Variants in ALDH3A2 observed in about 807,000 individuals in gnomAD.
ALDH3A2 encodes the protein aldehyde dehydrogenase 3 family member A2.
In ALDH3A2, 36 loss-of-function variants were observed where a neutral mutation model predicts 51.3. The ratio of observed to expected loss-of-function variants is 0.70; its 90% CI spans 0.54 to 0.93. ALDH3A2 has a LOEUF of 0.93. Among genes scored for constraint, ALDH3A2 ranks in the 40% least tolerant of loss-of-function variants. ALDH3A2 has a pLI of 0.00. For synonymous variants in ALDH3A2, 199 were observed against 219.8 expected, an observed-to-expected ratio of 0.91 and a Z score of 0.84; for missense variants, 552 against 603.1, an observed-to-expected ratio of 0.92 and a Z score of 0.89.
chr17:19,658,860 C>T (rs1236293006), intron 5 of ALDH3A2, among the ~76,000 whole-genome samples: 1 of 152,020 alleles, frequency 6.6e-6, no homozygotes, highest in African/African-American at 2.4e-5. Context: ...GGAGCAGTCA[C>T]TGTTTACTCG....
Position 19,665,166 on chromosome 17 carries a change from G to C in ALDH3A2, c.1207+119G>C. 3.4e-6 allele frequency: 3 copies of C among 886,648 alleles called. No homozygotes were observed. The South Asian group carries it at 4.2e-5, about 12-fold the overall frequency. 54.9% of individuals were successfully genotyped at this position (886,648 alleles called of 1,614,324 possible). A position where few individuals can be genotyped will look rare whatever the true frequency, so the allele number is the denominator to read the frequency against. On this transcript the variant is annotated intron_variant, in intron 8 of 9. Transcript: ENST00000176643. ...GCGTACCCTGATTGTCCTCTCCTGAGGGAGACCTTTTCCTGGTCACCCAGT... is the reference window on the plus strand; with the variant it reads ...GCGTACCCTGATTGTCCTCTCCTGACGGAGACCTTTTCCTGGTCACCCAGT...
At chr17:19,670,475 G>T (rs2085097144) in intron 8 of ALDH3A2, among the ~76,000 whole-genome samples, 1 of 151,958 alleles carries the variant, frequency 6.6e-6, no homozygotes, top group Admixed American at 6.6e-5. Context: ...GAACTCCTGG[G>T]CTCAAGCAAT....
chr17:19,670,720 G>A (rs1165308173), intron 8 of ALDH3A2, among the ~76,000 whole-genome samples: 4 of 152,132 alleles, frequency 2.6e-5, no homozygotes, highest in Non-Finnish European at 4.4e-5. Context: ...GCGCCACCAC[G>A]TCCAACTAAT....
intron 4 of ALDH3A2, 83 bp downstream of exon 4, chr17:19,656,657 C>T: frequency 7.6e-7 from 1 of 1,320,540 alleles, no homozygotes; most frequent in South Asian, 1.3e-5. Flanking sequence ...GTACTTGAAC[C>T]CCATACCTTA....
rs2085203686 is a variant in ALDH3A2 at position 19,677,199 on chromosome 17, A to G, written c.*1627A>G. On this transcript the variant is annotated 3_prime_UTR_variant, in exon 10 of 10. Transcript: ENST00000176643. Reference sequence around the variant, plus strand: ...ACACTCAAAAAGACTCAGCTCACTCAATGAGAGAATGTGATTTACTTTATA... The same window carrying G: ...ACACTCAAAAAGACTCAGCTCACTCGATGAGAGAATGTGATTTACTTTATA... 1 of 152,230 alleles carries G rather than the reference A, an allele frequency of 6.6e-6. No homozygotes were observed. Among genetic ancestry groups the G allele is most frequent in the Non-Finnish European group, 1.5e-5 (1 of 68,032 alleles). 9.4% of individuals were successfully genotyped at this position (152,230 alleles called of 1,614,324 possible).
At chr17:19,652,438 C>A in intron 2 of ALDH3A2, 109 bp from the exon 3 acceptor site, 2 of 801,270 alleles carry the variant, frequency 2.5e-6, no homozygotes, top group Non-Finnish European at 4.3e-6. Context: ...GCATTGAGAG[C>A]TGCAGAAATA....
At chr17:19,649,687 T>C (rs1175617334) in intron 1 of ALDH3A2, 3 of 152,642 alleles carry the variant, frequency 2.0e-5, no homozygotes, top group Admixed American at 6.5e-5. Flanking sequence ...TCTTCATAAC[T>C]TTGTGTATTA....
In ALDH3A2 at chr17:19,649,058, C is replaced by G. The variant is rs749679693; in HGVS notation, c.87C>G (p.Ala29=). Residue 29 remains alanine, a synonymous_variant, in exon 1 of 10, where the codon GCC becomes GCG. Coordinates refer to ENST00000176643, the MANE Select transcript of ALDH3A2 (RefSeq NM_000382.3). Reference sequence around the variant, plus strand: ...GGTTTCGGCTGCAGCAGCTGGAGGCCCTGCGGAGGATGGTGCAGGAGCGCG... The same window carrying G: ...GGTTTCGGCTGCAGCAGCTGGAGGCGCTGCGGAGGATGGTGCAGGAGCGCG... ...PLRFRLQQLE[A]LRRMVQEREK... 4.1e-5 allele frequency: 65 copies of G among 1,584,252 alleles called. No individual in the cohort carries two copies. The highest frequency in any genetic ancestry group is 1.7e-4 in the Middle Eastern group (1 of 6,050).
intron 6 of ALDH3A2, chr17:19,661,904 T>G (rs1234290932): frequency 1.3e-5 from 2 of 150,100 alleles, no homozygotes; most frequent in African/African-American, 4.9e-5. Context: ...AACTTAAAAA[T>G]GAAATAATAA....
At position 19,653,875 on chromosome 17, in the gene ALDH3A2, G is replaced by A. The variant is rs963523279; in HGVS notation, c.471+1243G>A. Among the ~76,000 whole-genome samples, 16 of 152,270 alleles carry A rather than the reference G, an allele frequency of 1.1e-4. 1 individual carries two copies. The highest frequency in any genetic ancestry group is 3.9e-4 in the Admixed American group (6 of 15,300). Reference sequence around the variant, plus strand: ...CATTTTACAGAGAGCTGATTGGTCCGTTTTGACAGGGTGCTGATTGGTGCG... The same window carrying A: ...CATTTTACAGAGAGCTGATTGGTCCATTTTGACAGGGTGCTGATTGGTGCG... On this transcript the variant is annotated intron_variant, in intron 3 of 9. Transcript: ENST00000176643.
In ALDH3A2 at chr17:19,663,286, G is replaced by A. The variant is rs1483506113; in HGVS notation, c.941-47G>A. 8 of 1,592,736 alleles carry A rather than the reference G, an allele frequency of 5.0e-6. No individual in the cohort carries two copies. The South Asian group carries it at 7.8e-5, about 15-fold the overall frequency. On this transcript the variant is annotated intron_variant, in intron 6 of 9. Transcript: ENST00000176643. ...GAAAGAGATGTAATATGAGAGTTGT[G>A]CATTTTTGTCTAATAAGCATTTTCA...
chr17:19,663,549 A>C, intron 7 of ALDH3A2, 50 bp downstream of exon 7: 1 of 1,590,406 alleles, frequency 6.3e-7, no homozygotes, highest in East Asian at 2.2e-5. Flanking sequence ...GTCAAGAGTC[A>C]TGTTCCTTCT....
Position 19,675,565 on chromosome 17 carries a change from A to G in ALDH3A2, c.1451A>G (p.Tyr484Cys). The G allele has an allele frequency of 1.2e-6, 2 of 1,613,756 alleles. No individual in the cohort carries two copies. The highest frequency in any genetic ancestry group is 1.7e-6 in the Non-Finnish European group (2 of 1,179,670). Reference sequence around the variant, plus strand: ...CTTTTTTCCTCTCTCCAGGCAGAATATTACTGAAGAATGATCCTGTTCAAC... The same window carrying G: ...CTTTTTTCCTCTCTCCAGGCAGAATGTTACTGAAGAATGATCCTGTTCAAC... ...IVAAVLVKAE[Y>C]Y The change falls in exon 10 of 10, where the codon TAT becomes TGT. Residue 484 changes from tyrosine to cysteine, a missense_variant. Transcript: ENST00000176643.
intron 1 of ALDH3A2, among the ~76,000 whole-genome samples, chr17:19,651,024 T>C (rs1949257968): frequency 6.6e-6 from 1 of 152,222 alleles, no homozygotes; most frequent in South Asian, 2.1e-4. Flanking sequence ...TGTGTGAGTA[T>C]GTGTGTATAT....
In ALDH3A2 at chr17:19,668,850, C is replaced by T. The variant is rs2085074064; in HGVS notation, c.1208-2871C>T. On this transcript the variant is annotated intron_variant, in intron 8 of 9. Transcript: ENST00000176643. ...AGGTTGCAGTGAGCAGAGAGTGCAC[C>T]ACTGTACCTCCAGCTTGGGCAACAG... Among the ~76,000 whole-genome samples, 4 of 132,242 alleles carry T rather than the reference C, an allele frequency of 3.0e-5. 2 individuals are homozygous for T. In the South Asian group the frequency reaches 1.2e-3, roughly 39 times the overall value. The allele number at this position is 132,242 out of a possible 152,430, so 86.8% of individuals were successfully genotyped here.
At chr17:19,662,111 ACT>A (rs1567602856) in intron 6 of ALDH3A2, 1 of 150,742 alleles carries the variant, frequency 6.6e-6, no homozygotes, top group East Asian at 2.0e-4. Context: ...GAGAAAACAG[ACT>A]CTACTTGTTT....
At chr17:19,650,301 G>A (rs2084797582) in intron 1 of ALDH3A2, among the ~76,000 whole-genome samples, 1 of 150,198 alleles carries the variant, frequency 6.7e-6, no homozygotes, top group Admixed American at 6.6e-5. Context: ...TTTTTTAAAC[G>A]GACAGGGTCT....
At chr17:19,659,918 T>C (rs62065948) in intron 5 of ALDH3A2, among the ~76,000 whole-genome samples, 15 of 150,560 alleles carry the variant, frequency 1.0e-4, no homozygotes, top group Non-Finnish European at 2.1e-4. Flanking sequence ...CCAGGCAGAG[T>C]AACTTGGGGG....
rs533216086 is a variant in ALDH3A2, at chr17:19,654,449, G to T, written c.471+1817G>T. Among the ~76,000 whole-genome samples the T allele has an allele frequency of 6.6e-6, 1 of 152,224 alleles. No homozygotes were observed. The highest frequency in any genetic ancestry group is 6.5e-5 in the Admixed American group (1 of 15,292). The stretch of plus-strand genomic sequence containing the variant: ...TTGGGCATGGCGGGCTGCAGGTCCC[G>T]AGCCCTGCCCTGCGGGGAGGTGGCT... On this transcript the variant is annotated intron_variant, in intron 3 of 9. Coordinates refer to ENST00000176643, the MANE Select transcript of ALDH3A2 (RefSeq NM_000382.3). This position sits in a 1 kb window ranked among gnomAD's most constrained non-coding sequence, Gnocchi z 4.5.
Sources: gnomAD v4.1 joint callset for allele counts (sites outside exome capture counted in the v4.1 genomes callset) on GRCh38, gnomAD v4.1.1 for gene constraint, Gnocchi (gnomAD v3.1) non-coding constraint, MANE v1.5 for transcripts, NCBI Gene and HGNC (gene_info 2026-07-23, HGNC 2026-07-21) for gene names.